PABPC4: variants seen among roughly 807,000 people sequenced by gnomAD.
PABPC4 encodes polyadenylate-binding protein 4.
In PABPC4, 15 loss-of-function variants were observed where a neutral mutation model predicts 74.5. The observed-to-expected ratio is 0.20, with a 90% confidence interval of 0.13 to 0.31. The LOEUF (loss-of-function observed/expected upper bound fraction) is 0.31. Ranked by LOEUF, PABPC4 falls within the 10% of genes least tolerant of loss-of-function variation. The pLI, the probability that PABPC4 is intolerant of heterozygous loss-of-function variation, is 1.00. For synonymous variants in PABPC4, 345 were observed against 303.0 expected (o/e 1.14, Z -1.44); for missense variants, 610 against 853.5 (o/e 0.71, Z 3.55).
rs956790420 is a variant in PABPC4, at chr1:39,561,960, A to G, written c.1893+113T>C. 5 of 1,297,228 alleles carry G rather than the reference A, an allele frequency of 3.9e-6. No individual in the cohort carries two copies. The African/African-American group carries it at 7.4e-5, about 19-fold the overall frequency. The allele number at this position is 1,297,228 out of a possible 1,614,324, so 80.4% of individuals were successfully genotyped here. ...CTCCAGTCACAGTCAAGGCATGACG[A>G]GAGGGGTCCTGGGGGCAGCAGATCC... On this transcript the variant is annotated intron_variant, in intron 14 of 15. Coordinates refer to ENST00000372858, the MANE Select transcript of PABPC4 (RefSeq NM_001135653.2).
intron 3 of PABPC4, 81 bp from the exon 4 acceptor site, chr1:39,570,083 AGACT>A (rs778283745): frequency 7.9e-5 from 111 of 1,398,304 alleles, no homozygotes; most frequent in Non-Finnish European, 1.0e-4. Flanking sequence ...TACAGGTTAA[AGACT>A]GACAGGAGAG....
Position 39,565,137 on chromosome 1 carries a change from G to A in PABPC4, c.1214C>T (p.Ala405Val), listed in dbSNP as rs369063220. 1.1e-5 allele frequency: 18 copies of A among 1,613,950 alleles called. No individual in the cohort carries two copies. The highest frequency in any genetic ancestry group is 1.4e-5 in the Non-Finnish European group (17 of 1,180,052). ...NAILNQFQPA[A>V]GGYFVPAVPQ... is the part of the protein sequence containing the mutation. Reference sequence around the variant, plus strand: ...GACTGCTGGCACAAAGTAGCCACCCGCTGCAGGCTGGAACTGATTTAAGAT... The same window carrying A: ...GACTGCTGGCACAAAGTAGCCACCCACTGCAGGCTGGAACTGATTTAAGAT... Residue 405 changes from alanine to valine, a missense_variant, in exon 8 of 16, where the codon GCG (alanine) becomes GTG (valine). By Grantham distance (64) the Ala-to-Val change is moderately conservative (BLOSUM62 0). This residue lies in a region of PABPC4 where 277 missense variants were observed against 301.8 expected (regional missense o/e 0.92). Transcript: ENST00000372858.
chr1:39,564,683 T>A lies in PABPC4; in HGVS notation c.1333+3A>T. Reference sequence around the variant, plus strand: ...CTGTCAATTACTGTTCCCCACCACCTACCTTGAGGTCTCCCACCTTGCTGC... The same window carrying A: ...CTGTCAATTACTGTTCCCCACCACCAACCTTGAGGTCTCCCACCTTGCTGC... On this transcript the variant is annotated splice_donor_region_variant and intron_variant, in intron 9 of 15. Coordinates refer to ENST00000372858, the MANE Select transcript of PABPC4 (RefSeq NM_001135653.2). The A allele has an allele frequency of 6.2e-7, 1 of 1,613,738 alleles. No individual in the cohort carries two copies. Among genetic ancestry groups the A allele is most frequent in the South Asian group, 1.1e-5 (1 of 91,078 alleles).
chr1:39,562,301 T>C (rs1216120267), intron 13 of PABPC4, 22 bp downstream of exon 13: 2 of 1,611,662 alleles, frequency 1.2e-6, no homozygotes, highest in Non-Finnish European at 1.7e-6. Flanking sequence ...CCTCTTCTTC[T>C]GCAAGCAAGT....
In PABPC4 at chr1:39,561,863, G is replaced by A. The variant is rs1645774204; in HGVS notation, c.1894-76C>T. 3.0e-6 allele frequency: 4 copies of A among 1,354,742 alleles called. No individual in the cohort carries two copies. In the Admixed American group the frequency reaches 7.4e-5, roughly 25 times the overall value. 83.9% of individuals were successfully genotyped at this position (1,354,742 alleles called of 1,614,324 possible). On this transcript the variant is annotated intron_variant, in intron 14 of 15. Coordinates refer to ENST00000372858, the MANE Select transcript of PABPC4 (RefSeq NM_001135653.2). ...CTCCCCAGTGCCCAGACCTAGTGGT[G>A]GACCAAAGCCAACTGTACAGATGAT... is the stretch of plus-strand genomic sequence containing the variant.
In PABPC4 at chr1:39,572,580, C is replaced by T. The variant is rs1350352544; in HGVS notation, c.200G>A (p.Arg67Gln). 3.7e-6 allele frequency: 6 copies of T among 1,613,082 alleles called. No individual in the cohort carries two copies. The highest frequency in any genetic ancestry group is 5.1e-6 in the Non-Finnish European group (6 of 1,179,252). ...ATCAAAGTTCATGGTGTCCAAAGCC[C>T]GCTCAGCTGTAAGAGAGAAACACAT... ...VNFQQPADAE[R>Q]ALDTMNFDVI... Residue 67 changes from arginine to glutamine, a missense_variant, in exon 2 of 16, where the codon CGG becomes CAG. This residue lies in a region of PABPC4 where 304 missense variants were observed against 478.9 expected (regional missense o/e 0.63). Coordinates refer to ENST00000372858, the MANE Select transcript of PABPC4 (RefSeq NM_001135653.2).
intron 6 of PABPC4, 136 bp downstream of exon 6, chr1:39,568,666 A>T: frequency 1.3e-6 from 1 of 794,392 alleles, no homozygotes; most frequent in Non-Finnish European, 2.1e-6. Flanking sequence ...ATATCCTTTT[A>T]AACCTCATCT....
chr1:39,563,595 T>C lies in PABPC4; in HGVS notation c.1668+19A>G, dbSNP rs1255239338. On this transcript the variant is annotated intron_variant, in intron 12 of 15. Transcript: ENST00000372858. ...AAATGGGGGAAATCCTTTTAAGCATTCTGTCTGGTGAACCTCACCTGCAGA... is the reference window on the plus strand; with the variant it reads ...AAATGGGGGAAATCCTTTTAAGCATCCTGTCTGGTGAACCTCACCTGCAGA... 1 of 1,603,776 alleles carries C rather than the reference T, an allele frequency of 6.2e-7. No individual in the cohort carries two copies. The highest frequency in any genetic ancestry group is 1.1e-5 in the South Asian group (1 of 89,870).
intron 3 of PABPC4, among the ~76,000 whole-genome samples, chr1:39,570,325 G>A (rs1645920920): frequency 6.6e-6 from 1 of 152,236 alleles, no homozygotes; most frequent in South Asian, 2.1e-4. Flanking sequence ...AAAAGGTCTG[G>A]AAGGATACAA....
chr1:39,574,252 T>G lies in PABPC4; in HGVS notation c.193+1507A>C, dbSNP rs560501032. ...CAGGAACAGTCCAGGGAAAGAGGAC[T>G]TTGCTTGTGATGGCTATCAGAGATA... is the stretch of plus-strand genomic sequence containing the variant. On this transcript the variant is annotated intron_variant, in intron 1 of 15. Coordinates refer to ENST00000372858, the MANE Select transcript of PABPC4 (RefSeq NM_001135653.2). Among the ~76,000 whole-genome samples the G allele has an allele frequency of 2.0e-5, 3 of 152,296 alleles. No homozygotes were observed. In the Middle Eastern group the frequency reaches 0.01, roughly 522 times the overall value.
intron 1 of PABPC4, chr1:39,573,067 GATTT>G (rs1003366365): frequency 6.5e-6 from 1 of 152,808 alleles, no homozygotes; most frequent in African/African-American, 2.4e-5. Flanking sequence ...TAGATTATCT[GATTT>G]ATTTTTCAGT....
rs759904412 is a variant in PABPC4 at position 39,567,718 on chromosome 1, ACTG to A, written c.972+30_972+32del. The A allele has an allele frequency of 4.4e-5, 45 of 1,024,540 alleles. No homozygotes were observed. In the African/African-American group the frequency reaches 4.4e-4, roughly 10 times the overall value. The allele number at this position is 1,024,540 out of a possible 1,614,324, so 63.5% of individuals were successfully genotyped here. On this transcript the variant is annotated intron_variant, in intron 7 of 15. Coordinates refer to ENST00000372858, the MANE Select transcript of PABPC4 (RefSeq NM_001135653.2). ...GCCAATAAGCCTATAATGGAATACC[ACTG>A]CTTTCAATCCCCAGATCGCAGTATA...
At chr1:39,561,949 A>C in intron 14 of PABPC4, 124 bp downstream of exon 14, 1 of 1,225,308 alleles carries the variant, frequency 8.2e-7, no homozygotes, top group Non-Finnish European at 1.2e-6. Flanking sequence ...AGTCACAGTC[A>C]AGGCATGACG....
chr1:39,574,105 T>C (rs1645981127), intron 1 of PABPC4, among the ~76,000 whole-genome samples: 2 of 152,116 alleles, frequency 1.3e-5, no homozygotes, highest in Admixed American at 1.3e-4. Flanking sequence ...ACTGTTTCAT[T>C]AGCCGGGAGA....
Position 39,565,467 on chromosome 1 carries a change from T to A in PABPC4, c.973-89A>T, listed in dbSNP as rs560728111. The A allele has an allele frequency of 2.9e-6, 4 of 1,385,866 alleles. No homozygotes were observed. In the South Asian group the frequency reaches 3.9e-5, roughly 14 times the overall value. 85.8% of individuals were successfully genotyped at this position (1,385,866 alleles called of 1,614,324 possible). ...CTGTAATCCCAGCACTTTGGAAGGC[T>A]GAGGTGGGAGGGCTGCTTGAGCTCA... On this transcript the variant is annotated intron_variant, in intron 7 of 15. Transcript: ENST00000372858.
chr1:39,571,604 T>C (rs1366833044), intron 2 of PABPC4: 19 of 551,676 alleles, frequency 3.4e-5, no homozygotes, highest in South Asian at 3.3e-4. Flanking sequence ...AAAAAATACT[T>C]AAAATTGGGT....
intron 6 of PABPC4, chr1:39,568,056 G>A (rs538854111): frequency 1.2e-5 from 5 of 428,888 alleles, no homozygotes; most frequent in Admixed American, 3.9e-5. Context: ...AGGAGATCGA[G>A]ACCATCCTGG....
intron 4 of PABPC4, 70 bp downstream of exon 4, chr1:39,569,793 G>A (rs889731799): frequency 1.0e-5 from 16 of 1,589,114 alleles, no homozygotes; most frequent in Non-Finnish European, 1.4e-5. Context: ...CTGGAGCAGT[G>A]CCCTCATCTC....
At chr1:39,563,482 G>A in intron 12 of PABPC4, 132 bp downstream of exon 12, 1 of 1,190,016 alleles carries the variant, frequency 8.4e-7, no homozygotes. Context: ...GGCAGGGACA[G>A]TGAATCAGAA....
Sources: allele counts gnomAD v4.1 joint callset (sites outside exome capture counted in the v4.1 genomes callset), GRCh38; gene constraint gnomAD v4.1.1; regional missense constraint gnomAD v4.1.1; transcripts MANE v1.5; gene names NCBI Gene and HGNC (gene_info 2026-07-23, HGNC 2026-07-21).